Variants in PLEKHB1 observed in about 807,000 individuals in gnomAD.
The protein encoded by PLEKHB1 is pleckstrin homology domain containing B1.
In PLEKHB1, 29 loss-of-function variants were observed where a neutral mutation model predicts 36.2. The ratio of observed to expected loss-of-function variants is 0.80; its 90% CI spans 0.60 to 1.09. The LOEUF is 1.09. Ranked by LOEUF, PLEKHB1 falls within the 50% of genes least tolerant of loss-of-function variation. The pLI, the probability that PLEKHB1 is intolerant of heterozygous loss-of-function variation, is 0.00. For synonymous variants in PLEKHB1, 138 were observed against 140.0 expected (o/e 0.99, Z 0.10); for missense variants, 330 against 348.2 (o/e 0.95, Z 0.42).
Position 73,660,841 on chromosome 11 carries a change from C to CT in PLEKHB1, c.584_585insT (p.Pro196AlafsTer88), listed in dbSNP as rs770705065. 2,622 of 1,591,126 alleles carry CT rather than the reference C, an allele frequency of 1.6e-3. 32 individuals are homozygous for CT. The African/African-American group carries it at 0.031, about 19-fold the overall frequency. On this transcript the variant is annotated frameshift_variant, in exon 7 of 8. Coordinates refer to ENST00000354190, the MANE Select transcript of PLEKHB1 (RefSeq NM_021200.3). LOFTEE classifies it high-confidence loss of function. Reference sequence around the variant, plus strand: ...ACGTATGTCCGCAGCTACTACGGACCGCCCTACGCAGGTAAGTCTCCAGCG... The same window carrying CT: ...ACGTATGTCCGCAGCTACTACGGACCTGCCCTACGCAGGTAAGTCTCCAGCG...
rs750132404 is a variant in PLEKHB1 at position 73,661,639 on chromosome 11, T to G, written c.*37T>G. On this transcript the variant is annotated 3_prime_UTR_variant, in exon 8 of 8. Coordinates refer to ENST00000354190, the MANE Select transcript of PLEKHB1 (RefSeq NM_021200.3). The surrounding 1 kb of genome is among the most constrained non-coding windows in gnomAD (Gnocchi z 4.6). ...CGGAGCACTGACCCCTGCGCTTGGA[T>G]TGCTAGACTCCTCTTCCTCCTGGAC... 6.5e-7 allele frequency: 1 copy of G among 1,535,012 alleles called. No individual in the cohort carries two copies.
At position 73,653,285 on chromosome 11, in the gene PLEKHB1, T is replaced by C. The variant is rs747080391; in HGVS notation, c.390+271T>C. 2.3e-5 allele frequency: 15 copies of C among 664,892 alleles called. 1 individual carries two copies. The highest frequency in any genetic ancestry group is 3.0e-4 in the Middle Eastern group (1 of 3,348). The allele number at this position is 664,892 out of a possible 1,614,324, so 41.2% of individuals were successfully genotyped here. A position where few individuals can be genotyped will look rare whatever the true frequency, so the allele number is the denominator to read the frequency against. On this transcript the variant is annotated intron_variant, in intron 5 of 7. Coordinates refer to ENST00000354190, the MANE Select transcript of PLEKHB1 (RefSeq NM_021200.3). ...GAACTGTCTTTTATCGAGCAACTAT[T>C]ATGTGCCAGGTGTGGTGCAGGTATC...
At chr11:73,655,947 AC>A in intron 6 of PLEKHB1, 40 bp downstream of exon 6, 1 of 1,564,752 alleles carries the variant, frequency 6.4e-7, no homozygotes, top group Non-Finnish European at 8.8e-7. Context: ...CATACTGGCC[AC>A]CAGGATGAGC....
chr11:73,646,842 A>T (rs1214836247), intron 1 of PLEKHB1, among the ~76,000 whole-genome samples: 1 of 152,234 alleles, frequency 6.6e-6, no homozygotes, highest in East Asian at 1.9e-4. Context: ...TCCTTTCTCC[A>T]GGTGGGCTCC....
intron 7 of PLEKHB1, 139 bp downstream of exon 7, chr11:73,660,991 C>A: frequency 1.3e-6 from 1 of 780,526 alleles, no homozygotes. Context: ...TCTCCGCAAG[C>A]CCCTCTCCAT....
Position 73,661,769 on chromosome 11 carries a change from A to C in PLEKHB1, c.*167A>C. ...CCCACTCCCTACCCTTAATCCCCAC[A>C]TGGGAAGAAGCTATCATCACAGGTA... On this transcript the variant is annotated 3_prime_UTR_variant, in exon 8 of 8. Transcript: ENST00000354190. The surrounding 1 kb of genome is among the most constrained non-coding windows in gnomAD (Gnocchi z 4.6). 1.0e-5 allele frequency: 8 copies of C among 800,048 alleles called. No homozygotes were observed. Among genetic ancestry groups the C allele is most frequent in the Non-Finnish European group, 1.5e-5 (8 of 533,056 alleles). 49.6% of individuals were successfully genotyped at this position (800,048 alleles called of 1,614,324 possible).
At position 73,653,014 on chromosome 11, in the gene PLEKHB1, G is replaced by C; in HGVS notation, c.390G>C (p.Pro130=). ...CACTGCTGGAGGCAAACTCCACCCC[G>C]GTGAGTCTCCCGTTCTCTCCCCCTT... ...KTALLEANST[P]APAGATVPPR... is the part of the protein sequence containing the mutation. Residue 130 remains proline, a splice_region_variant and synonymous_variant, in exon 5 of 8, where the codon CCG becomes CCC. Coordinates refer to ENST00000354190, the MANE Select transcript of PLEKHB1 (RefSeq NM_021200.3). 6.2e-7 allele frequency: 1 copy of C among 1,608,988 alleles called. No individual in the cohort carries two copies. The highest frequency in any genetic ancestry group is 8.5e-7 in the Non-Finnish European group (1 of 1,176,496).
chr11:73,661,327 G>C lies in PLEKHB1; in HGVS notation c.596-139G>C, dbSNP rs1590805422. 1 of 971,278 alleles carries C rather than the reference G, an allele frequency of 1.0e-6. No homozygotes were observed. The highest frequency in any genetic ancestry group is 2.7e-5 in the East Asian group (1 of 37,306). 60.2% of individuals were successfully genotyped at this position (971,278 alleles called of 1,614,324 possible). ...TAGGGTGGAGCTCTTCCCGCGTCTA[G>C]ATCTGTTCTTTGACTGGGGAGCAGG... On this transcript the variant is annotated intron_variant, in intron 7 of 7. Transcript: ENST00000354190. The surrounding 1 kb of genome is among the most constrained non-coding windows in gnomAD (Gnocchi z 4.6).
chr11:73,655,055 G>A (rs1164262240), intron 5 of PLEKHB1, among the ~76,000 whole-genome samples: 2 of 152,184 alleles, frequency 1.3e-5, no homozygotes, highest in African/African-American at 4.8e-5. Flanking sequence ...GCCTCTTTAT[G>A]TGGGGCAAGT....
At chr11:73,658,075 A>G (rs938929749) in intron 6 of PLEKHB1, among the ~76,000 whole-genome samples, 1 of 152,206 alleles carries the variant, frequency 6.6e-6, no homozygotes, top group African/African-American at 2.4e-5. Flanking sequence ...GGCATCTCCA[A>G]GTCTGATGGG....
chr11:73,653,043 C>CCA, intron 5 of PLEKHB1, 29 bp downstream of exon 5: 1 of 1,595,436 alleles, frequency 6.3e-7, no homozygotes, highest in Admixed American at 1.7e-5. Context: ...CCCCCTTTCC[C>CCA]CACCACCTCC....
In PLEKHB1 at chr11:73,653,011, C is replaced by T. The variant is rs761209652; in HGVS notation, c.387C>T (p.Thr129=). 96 of 1,609,052 alleles carry T rather than the reference C, an allele frequency of 6.0e-5. 1 individual carries two copies. The highest frequency in any genetic ancestry group is 7.4e-5 in the Non-Finnish European group (87 of 1,176,598). ...WKTALLEANS[T]PAPAGATVPP... is the part of the protein sequence containing the mutation. ...CAGCACTGCTGGAGGCAAACTCCAC[C>T]CCGGTGAGTCTCCCGTTCTCTCCCC... The change falls in exon 5 of 8, where the codon ACC becomes ACT. Residue 129 remains threonine (T), a synonymous_variant. Coordinates refer to ENST00000354190, the MANE Select transcript of PLEKHB1 (RefSeq NM_021200.3).
Position 73,661,684 on chromosome 11 carries a change from GC to G in PLEKHB1, c.*85del, listed in dbSNP as rs1945127832. ...CTGGACCCCATCCTCTACCATCCAAGCCCTGTCCCACTTTGGCCCTATCCTC... is the reference window on the plus strand; with the variant it reads ...CTGGACCCCATCCTCTACCATCCAAGCCTGTCCCACTTTGGCCCTATCCTC... On this transcript the variant is annotated 3_prime_UTR_variant, in exon 8 of 8. Transcript: ENST00000354190. The surrounding 1 kb of genome is among the most constrained non-coding windows in gnomAD (Gnocchi z 4.6). The G allele has an allele frequency of 1.0e-5, 15 of 1,481,634 alleles. No individual in the cohort carries two copies. Among genetic ancestry groups the G allele is most frequent in the Non-Finnish European group, 1.3e-5 (15 of 1,118,744 alleles). 91.8% of individuals were successfully genotyped at this position (1,481,634 alleles called of 1,614,324 possible). A position where few individuals can be genotyped will look rare whatever the true frequency, so the allele number is the denominator to read the frequency against.
chr11:73,648,716 C>G, intron 1 of PLEKHB1: 4 of 1,139,712 alleles, frequency 3.5e-6, no homozygotes, highest in Non-Finnish European at 4.3e-6. Flanking sequence ...AAACTGAGAC[C>G]AGGACAGAGG....
chr11:73,648,966 A>C (rs910983827), intron 1 of PLEKHB1, 46 bp from the exon 2 acceptor site: 1 of 1,557,784 alleles, frequency 6.4e-7, no homozygotes, highest in Non-Finnish European at 8.7e-7. Context: ...GCTTCTCTCC[A>C]GGGAGCTGCT....
intron 3 of PLEKHB1, chr11:73,651,551 A>T (rs1240124668): frequency 1.5e-6 from 1 of 646,372 alleles, no homozygotes; most frequent in Non-Finnish European, 2.9e-6. Context: ...ACCAAGGCCC[A>T]GGCCACAGTT....
chr11:73,650,686 G>A lies in PLEKHB1; in HGVS notation c.228G>A (p.Lys76=). The A allele has an allele frequency of 1.2e-6, 2 of 1,607,398 alleles. No individual in the cohort carries two copies. The highest frequency in any genetic ancestry group is 1.7e-6 in the Non-Finnish European group (2 of 1,176,848). ...TCCACTTCAATGTCCGTGACATAAA[G>A]ATCGGCCCAGAGTGCCATGGTGAGC... The part of the protein sequence containing the change: ...VLIHFNVRDI[K]IGPECHDVQP... Residue 76 remains lysine (K), a synonymous_variant, in exon 3 of 8, where the codon AAG becomes AAA. Transcript: ENST00000354190.
Position 73,661,631 on chromosome 11 carries a change from C to G in PLEKHB1, c.*29C>G. The G allele has an allele frequency of 6.5e-7, 1 of 1,542,002 alleles. No individual in the cohort carries two copies. Among genetic ancestry groups the G allele is most frequent in the East Asian group, 2.3e-5 (1 of 43,998 alleles). ...CTGGGACTCGGAGCACTGACCCCTG[C>G]GCTTGGATTGCTAGACTCCTCTTCC... is the stretch of plus-strand genomic sequence containing the variant. On this transcript the variant is annotated 3_prime_UTR_variant, in exon 8 of 8. Coordinates refer to ENST00000354190, the MANE Select transcript of PLEKHB1 (RefSeq NM_021200.3). The surrounding 1 kb of genome is among the most constrained non-coding windows in gnomAD (Gnocchi z 4.6).
rs545536122 is a variant in PLEKHB1 at position 73,661,186 on chromosome 11, G to C, written c.596-280G>C. 3.9e-5 allele frequency among the ~76,000 whole-genome samples: 6 copies of C among 152,348 alleles called. No homozygotes were observed. Among genetic ancestry groups the C allele is most frequent in the Non-Finnish European group, 7.3e-5 (5 of 68,042 alleles). ...TGGCGGTTGGGAATGCCCATCGTTA[G>C]GCGCCTGGTGGTTGTGCTTAGCGAT... On this transcript the variant is annotated intron_variant, in intron 7 of 7. Transcript: ENST00000354190. This position sits in a 1 kb window ranked among gnomAD's most constrained non-coding sequence, Gnocchi z 4.6.
Sources: allele counts gnomAD v4.1 joint callset (sites outside exome capture counted in the v4.1 genomes callset), GRCh38; gene constraint gnomAD v4.1.1; non-coding constraint Gnocchi (gnomAD v3.1); transcripts MANE v1.5; gene names NCBI Gene and HGNC (gene_info 2026-07-23, HGNC 2026-07-21).